Variants in MEGF10 observed in about 807,000 individuals in gnomAD.
MEGF10 encodes the protein multiple EGF like domains 10.
A neutral mutation model predicts 147.5 loss-of-function variants in MEGF10; 86 were observed. The observed-to-expected ratio is 0.58, with a 90% CI of 0.49 to 0.70. MEGF10 has a LOEUF of 0.70. Ranked by LOEUF, MEGF10 falls within the 30% of genes least tolerant of loss-of-function variation. The probability of loss-of-function intolerance (pLI) is 0.00; values close to 1 mark genes in which losing one functional copy is unlikely to be tolerated. For synonymous variants in MEGF10, 478 were observed against 525.5 expected, an observed-to-expected ratio of 0.91 and a Z score of 1.24; for missense variants, 1,329 against 1,487.3, an observed-to-expected ratio of 0.89 and a Z score of 1.75.
chr5:127,326,510 T>C (rs909483059), intron 1 of MEGF10, among the ~76,000 whole-genome samples: 2 of 152,216 alleles, frequency 1.3e-5, no homozygotes, highest in Non-Finnish European at 2.9e-5. Flanking sequence ...AGTCCTCATC[T>C]GAGATTGTTC....
intron 4 of MEGF10, among the ~76,000 whole-genome samples, chr5:127,345,949 T>C (rs943990691): frequency 6.6e-6 from 1 of 152,278 alleles, no homozygotes; most frequent in Non-Finnish European, 1.5e-5. Flanking sequence ...TATACAGTGT[T>C]TGGTTTTCCA....
At chr5:127,232,441 C>T in the MEGF10 span, among the ~76,000 whole-genome samples, 1 of 152,176 alleles carries the variant, frequency 6.6e-6, no homozygotes, top group Non-Finnish European at 1.5e-5. Context: ...GAGCATGATA[C>T]ATAGACTTTG....
At chr5:127,452,664 T>A (rs1386747242) in intron 22 of MEGF10, among the ~76,000 whole-genome samples, 1 of 152,106 alleles carries the variant, frequency 6.6e-6, no homozygotes, top group Non-Finnish European at 1.5e-5. Context: ...GATGATACCA[T>A]ATGGCCCAAA....
chr5:127,247,405 A>AAGG, the MEGF10 span, among the ~76,000 whole-genome samples: 3 of 54,656 alleles, frequency 5.5e-5, 1 homozygote, highest in African/African-American at 1.9e-4. Context: ...GAAGAAGAAG[A>AAGG]AGAAGAAGAA....
At chr5:127,232,834 G>A in the MEGF10 span, among the ~76,000 whole-genome samples, 1 of 152,006 alleles carries the variant, frequency 6.6e-6, no homozygotes, top group African/African-American at 2.4e-5. Context: ...AAAGCATTGC[G>A]ATTGTAGGAT....
chr5:127,344,838 C>T (rs1052704836), intron 4 of MEGF10, among the ~76,000 whole-genome samples: 8 of 152,144 alleles, frequency 5.3e-5, no homozygotes, highest in Non-Finnish European at 8.8e-5. Flanking sequence ...CTGTCTACAT[C>T]GACCAGAGGA....
intron 4 of MEGF10, among the ~76,000 whole-genome samples, chr5:127,353,654 C>T (rs959686678): frequency 6.6e-6 from 1 of 152,200 alleles, no homozygotes; most frequent in African/African-American, 2.4e-5. Context: ...TTCTCTTTGC[C>T]CCACATGCCT....
At chr5:127,294,271 C>T (rs1321220002) in intron 1 of MEGF10, among the ~76,000 whole-genome samples, 1 of 152,084 alleles carries the variant, frequency 6.6e-6, no homozygotes, top group Admixed American at 6.6e-5. Context: ...AATGTTTATC[C>T]CTAACAGATT....
chr5:127,302,880 C>T lies in MEGF10; in HGVS notation c.-19+11824C>T, dbSNP rs185779984. ...CGGATTTGGTGACCAGAGAAGGCTTCTTGGAAGAGATGGGACATTGAAAGA... is the reference window on the plus strand; with the variant it reads ...CGGATTTGGTGACCAGAGAAGGCTTTTTGGAAGAGATGGGACATTGAAAGA... On this transcript the variant is annotated intron_variant, in intron 1 of 24. Transcript: ENST00000503335. 3.3e-5 allele frequency among the ~76,000 whole-genome samples: 5 copies of T among 152,246 alleles called. No homozygotes were observed. In the East Asian group the frequency reaches 9.7e-4, roughly 29 times the overall value.
intron 1 of MEGF10, among the ~76,000 whole-genome samples, chr5:127,325,592 C>A (rs1195842745): frequency 6.6e-6 from 1 of 152,004 alleles, no homozygotes; most frequent in Non-Finnish European, 1.5e-5. Context: ...TCATGGTGTG[C>A]ATCATGCTGA....
At chr5:127,267,153 G>A in the MEGF10 span, among the ~76,000 whole-genome samples, 1 of 152,192 alleles carries the variant, frequency 6.6e-6, no homozygotes, top group Non-Finnish European at 1.5e-5. Flanking sequence ...TTTTGTCAAA[G>A]ACCTTTTCTG....
the MEGF10 span, among the ~76,000 whole-genome samples, chr5:127,243,976 C>A: frequency 6.6e-6 from 1 of 151,624 alleles, no homozygotes; most frequent in Non-Finnish European, 1.5e-5. Context: ...GCAGGCGGAT[C>A]ACCTGAGGTT....
intron 1 of MEGF10, among the ~76,000 whole-genome samples, chr5:127,313,182 G>A (rs778355775): frequency 9.9e-5 from 15 of 152,158 alleles, no homozygotes; most frequent in Non-Finnish European, 1.8e-4. Flanking sequence ...AAGGATGGCT[G>A]TCTTTCTGAC....
chr5:127,268,536 G>C, the MEGF10 span, among the ~76,000 whole-genome samples: 1 of 152,110 alleles, frequency 6.6e-6, no homozygotes, highest in Admixed American at 6.6e-5. Context: ...CAGCGAGGCT[G>C]GGGGAGGGGC....
At chr5:127,249,046 C>T in the MEGF10 span, among the ~76,000 whole-genome samples, 2,515 of 152,004 alleles carry the variant, frequency 0.017, 58 homozygotes, top group East Asian at 0.086. Context: ...ACATGGTAAA[C>T]GTGGGCAAAT....
intron 5 of MEGF10, among the ~76,000 whole-genome samples, chr5:127,391,216 T>C (rs934847210): frequency 6.6e-6 from 1 of 151,516 alleles, no homozygotes; most frequent in African/African-American, 2.4e-5. Flanking sequence ...GGGGCTTTAT[T>C]AGACTTTGCC....
chr5:127,330,022 A>G (rs1232985805), intron 1 of MEGF10, among the ~76,000 whole-genome samples: 1 of 152,056 alleles, frequency 6.6e-6, no homozygotes, highest in Non-Finnish European at 1.5e-5. Context: ...TCTAAACTGA[A>G]CTGAAAGCTT....
At chr5:127,355,503 GACCCTGT>G (rs1310380292) in intron 4 of MEGF10, among the ~76,000 whole-genome samples, 2 of 152,094 alleles carry the variant, frequency 1.3e-5, no homozygotes, top group Non-Finnish European at 2.9e-5. Context: ...TTTCCATAGG[GACCCTGT>G]ACTCTGTTGC....
chr5:127,389,434 G>A (rs1763559557), intron 5 of MEGF10, among the ~76,000 whole-genome samples: 2 of 152,136 alleles, frequency 1.3e-5, no homozygotes, highest in African/African-American at 4.8e-5. Context: ...ATATCCAGAG[G>A]AATATAAATT....
Sources: gnomAD v4.1 joint callset for allele counts (sites outside exome capture counted in the v4.1 genomes callset) on GRCh38, gnomAD v4.1.1 for gene constraint, MANE v1.5 for transcripts, NCBI Gene and HGNC (gene_info 2026-07-23, HGNC 2026-07-21) for gene names.